The following FAM118B variants were observed in gnomAD, a reference collection of about 807,000 sequenced individuals.
FAM118B encodes SIR2 antiphage like 1, also known as protein FAM118B.
Under a neutral mutation model 38.5 loss-of-function variants are expected in FAM118B, and 24 were observed. The ratio of observed to expected loss-of-function variants is 0.62; its 90% CI spans 0.45 to 0.88. The LOEUF is 0.88. Ranked by LOEUF, FAM118B falls within the 40% of genes least tolerant of loss-of-function variation. The probability of loss-of-function intolerance (pLI) is 0.00; values close to 1 mark genes in which losing one functional copy is unlikely to be tolerated. For missense variants in FAM118B, 334 were observed against 420.0 expected (o/e 0.80, Z 1.79); for synonymous variants, 138 against 156.3 (o/e 0.88, Z 0.87).
chr11:126,254,358 AG>A lies in FAM118B; in HGVS notation c.622del (p.Val208SerfsTer25), dbSNP rs1950546092. On this transcript the variant is annotated frameshift_variant, in exon 6 of 9. Coordinates refer to ENST00000533050, the MANE Select transcript of FAM118B (RefSeq NM_024556.4). LOFTEE classifies it high-confidence loss of function. ...AGCTGAGCGTGTTGCATATTCACGG[AG>A]TCTACACCAACCCTAGTGGCATTGT... ...RKLSVLHIHG[V>X]YTNPSGIVLH... The A allele has an allele frequency of 1.2e-6, 2 of 1,613,682 alleles. No homozygotes were observed. Among genetic ancestry groups the A allele is most frequent in the African/African-American group, 2.7e-5 (2 of 74,774 alleles).
intron 1 of FAM118B, among the ~76,000 whole-genome samples, chr11:126,219,019 ATTAG>A (rs1213181665): frequency 6.6e-6 from 1 of 152,198 alleles, no homozygotes; most frequent in East Asian, 1.9e-4. Flanking sequence ...GAATTTGCGC[ATTAG>A]TTAAATAGAC....
intron 1 of FAM118B, among the ~76,000 whole-genome samples, chr11:126,215,646 A>T (rs529416465): frequency 4.8e-4 from 72 of 151,218 alleles, no homozygotes; most frequent in African/African-American, 1.7e-3. Context: ...GCAGTGAGCC[A>T]AGATCGCGCC....
intron 2 of FAM118B, among the ~76,000 whole-genome samples, chr11:126,233,353 T>C (rs1950231513): frequency 6.6e-6 from 1 of 152,164 alleles, no homozygotes; most frequent in East Asian, 1.9e-4. Context: ...CGCATGCCTG[T>C]AATCCCAGCT....
chr11:126,234,708 T>C (rs2135155719), intron 2 of FAM118B, among the ~76,000 whole-genome samples: 1 of 152,254 alleles, frequency 6.6e-6, no homozygotes, highest in South Asian at 2.1e-4. Context: ...TTGACATGAG[T>C]TGACACTGTT....
chr11:126,231,165 C>T (rs1950201808), intron 2 of FAM118B, among the ~76,000 whole-genome samples: 1 of 152,104 alleles, frequency 6.6e-6, no homozygotes, highest in African/African-American at 2.4e-5. Context: ...TTTTATTTTG[C>T]TGTACTCTAT....
At chr11:126,240,491 A>G (rs1447676857) in intron 3 of FAM118B, among the ~76,000 whole-genome samples, 4 of 152,140 alleles carry the variant, frequency 2.6e-5, no homozygotes, top group African/African-American at 2.4e-5. Context: ...GCTATAGTCT[A>G]TTTGGATCTT....
intron 1 of FAM118B, among the ~76,000 whole-genome samples, chr11:126,225,932 G>A (rs1950134337): frequency 6.6e-6 from 1 of 152,210 alleles, no homozygotes; most frequent in Non-Finnish European, 1.5e-5. Context: ...AGTGAGCTGA[G>A]ATTGCACCAC....
At chr11:126,226,491 C>T (rs1950142196) in intron 1 of FAM118B, among the ~76,000 whole-genome samples, 1 of 151,882 alleles carries the variant, frequency 6.6e-6, no homozygotes, top group African/African-American at 2.4e-5. Context: ...CAGAAAGGAA[C>T]GTGGCGCAAG....
intron 4 of FAM118B, chr11:126,245,032 G>A (rs1950402914): frequency 1.3e-5 from 2 of 152,156 alleles, no homozygotes; most frequent in Admixed American, 1.3e-4. Context: ...AAATTCATAT[G>A]GGGCCAGGCA....
intron 4 of FAM118B, among the ~76,000 whole-genome samples, chr11:126,246,732 T>C (rs1311853488): frequency 6.6e-6 from 1 of 152,144 alleles, no homozygotes; most frequent in African/African-American, 2.4e-5. Context: ...TGAGCTACCA[T>C]GCCAATTTTT....
At chr11:126,246,938 G>C (rs1434787277) in intron 4 of FAM118B, among the ~76,000 whole-genome samples, 1 of 152,112 alleles carries the variant, frequency 6.6e-6, no homozygotes, top group Non-Finnish European at 1.5e-5. Flanking sequence ...AGGGTCATCT[G>C]CTTTAAGAGA....
At chr11:126,218,037 T>C (rs1950003668) in intron 1 of FAM118B, among the ~76,000 whole-genome samples, 1 of 152,252 alleles carries the variant, frequency 6.6e-6, no homozygotes, top group African/African-American at 2.4e-5. Context: ...TCAGCTGTTG[T>C]GCTGGCTTCT....
chr11:126,230,282 G>A (rs954966817), intron 2 of FAM118B, among the ~76,000 whole-genome samples: 2 of 152,194 alleles, frequency 1.3e-5, no homozygotes, highest in African/African-American at 4.8e-5. Context: ...CTACTGACAA[G>A]CTTGTTGGGA....
chr11:126,218,531 T>G (rs187633277), intron 1 of FAM118B, among the ~76,000 whole-genome samples: 1,721 of 135,818 alleles, frequency 0.013, 40 homozygotes, highest in African/African-American at 0.042. Context: ...GGATTTTGGG[T>G]TTTTTTTTGT....
chr11:126,234,897 A>C (rs1397623824), intron 2 of FAM118B, 98 bp from the exon 3 acceptor site: 10 of 885,980 alleles, frequency 1.1e-5, no homozygotes, highest in African/African-American at 3.4e-5. Context: ...AACACCTTTA[A>C]GGGTATACAG....
At chr11:126,211,868 G>A in intron 1 of FAM118B, 38 bp downstream of exon 1, 1 of 547,376 alleles carries the variant, frequency 1.8e-6, no homozygotes, top group Non-Finnish European at 3.2e-6. Flanking sequence ...GCTGGGAAAT[G>A]CCGGTGCCTC....
chr11:126,247,920 C>T (rs1385017302), intron 4 of FAM118B, among the ~76,000 whole-genome samples: 4 of 143,558 alleles, frequency 2.8e-5, no homozygotes, highest in Admixed American at 1.4e-4. Flanking sequence ...TATATAGATA[C>T]GTATATCTAT....
At chr11:126,259,374 AAAG>A (rs1950634509) in intron 7 of FAM118B, among the ~76,000 whole-genome samples, 8 of 152,278 alleles carry the variant, frequency 5.3e-5, no homozygotes, top group Admixed American at 4.6e-4. Flanking sequence ...GCAGTGGGAA[AAAG>A]AAAAATAATT....
chr11:126,256,963 T>G lies in FAM118B; in HGVS notation c.982+111T>G. ...TTGCCAAGATGAGGAATGTAATGAC[T>G]GACCAAATTGTAAAGGAGGCCACAG... On this transcript the variant is annotated intron_variant, in intron 7 of 8. Coordinates refer to ENST00000533050, the MANE Select transcript of FAM118B (RefSeq NM_024556.4). This position sits in a 1 kb window ranked among gnomAD's most constrained non-coding sequence, Gnocchi z 6.6. 1.8e-6 allele frequency: 2 copies of G among 1,123,724 alleles called. No homozygotes were observed. The highest frequency in any genetic ancestry group is 3.0e-5 in the South Asian group (2 of 65,926). 69.6% of individuals were successfully genotyped at this position (1,123,724 alleles called of 1,614,324 possible).
Sources: allele counts gnomAD v4.1 joint callset (sites outside exome capture counted in the v4.1 genomes callset), GRCh38; gene constraint gnomAD v4.1.1; non-coding constraint Gnocchi (gnomAD v3.1); transcripts MANE v1.5; gene names NCBI Gene and HGNC (gene_info 2026-07-23, HGNC 2026-07-21).